The following MBNL1 variants were observed in gnomAD, a reference collection of about 807,000 sequenced individuals.
MBNL1 encodes muscleblind like splicing regulator 1.
In MBNL1, 8 loss-of-function variants were observed where a neutral mutation model predicts 42.2. The observed-to-expected ratio is 0.19, with a 90% CI of 0.11 to 0.34. The LOEUF (loss-of-function observed/expected upper bound fraction) is 0.34, where lower values mean the gene tolerates loss of function less well. Among genes scored for constraint, MBNL1 ranks in the 10% least tolerant of loss-of-function variants. The pLI is 1.00. For synonymous variants in MBNL1, 169 were observed against 173.9 expected (o/e 0.97, Z 0.22); for missense variants, 309 against 495.3 (o/e 0.62, Z 3.57).
chr3:152,414,551 TA>T (rs1413132139), intron 2 of MBNL1, among the ~76,000 whole-genome samples: 1 of 152,204 alleles, frequency 6.6e-6, no homozygotes, highest in Non-Finnish European at 1.5e-5. Flanking sequence ...AAAAATAAAA[TA>T]TAAAACTTGG....
chr3:152,272,179 A>G (rs991579115), intron 1 of MBNL1, among the ~76,000 whole-genome samples: 2 of 152,070 alleles, frequency 1.3e-5, no homozygotes, highest in Non-Finnish European at 2.9e-5. Flanking sequence ...AAGCTTAAAG[A>G]TTTTGCTGGT....
At chr3:152,450,154 C>A (rs1465507415) in intron 6 of MBNL1, among the ~76,000 whole-genome samples, 1 of 148,788 alleles carries the variant, frequency 6.7e-6, no homozygotes, top group Non-Finnish European at 1.5e-5. Context: ...TATATACACA[C>A]ACACACACAT....
chr3:152,438,365 T>C (rs989499855), intron 4 of MBNL1, among the ~76,000 whole-genome samples: 1 of 152,128 alleles, frequency 6.6e-6, no homozygotes, highest in African/African-American at 2.4e-5. Flanking sequence ...GATAAATGAG[T>C]CAGTCAACCA....
intron 2 of MBNL1, among the ~76,000 whole-genome samples, chr3:152,382,818 C>A (rs1482545726): frequency 2.0e-5 from 3 of 152,064 alleles, no homozygotes; most frequent in African/African-American, 4.8e-5. Context: ...GCATTTTATT[C>A]AACTTCGTTT....
At chr3:152,412,276 T>A (rs1279503546) in intron 2 of MBNL1, among the ~76,000 whole-genome samples, 2 of 111,762 alleles carry the variant, frequency 1.8e-5, no homozygotes, top group East Asian at 3.9e-4. Context: ...TATTCTCTTA[T>A]TTTTTCCACA....
At chr3:152,319,844 G>A (rs917356746) in intron 2 of MBNL1, among the ~76,000 whole-genome samples, 8 of 151,826 alleles carry the variant, frequency 5.3e-5, no homozygotes, top group African/African-American at 1.2e-4. Context: ...ACCTGTGGTC[G>A]CAATTGACAG....
intron 2 of MBNL1, among the ~76,000 whole-genome samples, chr3:152,370,293 G>A (rs938442181): frequency 1.2e-4 from 19 of 152,030 alleles, no homozygotes; most frequent in Non-Finnish European, 7.4e-5. Flanking sequence ...TTGTTCAGTT[G>A]CCATGTAGTT....
intron 2 of MBNL1, among the ~76,000 whole-genome samples, chr3:152,374,254 A>G (rs2096801638): frequency 6.6e-6 from 1 of 152,224 alleles, no homozygotes; most frequent in African/African-American, 2.4e-5. Context: ...TATTATTTGC[A>G]AATTATTTAA....
intron 2 of MBNL1, among the ~76,000 whole-genome samples, chr3:152,332,398 G>C (rs2085315701): frequency 6.6e-6 from 1 of 152,038 alleles, no homozygotes; most frequent in South Asian, 2.1e-4. Flanking sequence ...AGCTTATGTG[G>C]GTGCAATATA....
chr3:152,373,411 T>A (rs1292374418), intron 2 of MBNL1, among the ~76,000 whole-genome samples: 1 of 151,646 alleles, frequency 6.6e-6, no homozygotes, highest in Non-Finnish European at 1.5e-5. Flanking sequence ...TGCCCTGTTT[T>A]GCGCTTGAAA....
rs1750084791 is a variant in MBNL1 at position 152,465,479 on chromosome 3, T to C, written c.*3113T>C. 1 of 152,598 alleles carries C rather than the reference T, an allele frequency of 6.6e-6. No individual in the cohort carries two copies. The highest frequency in any genetic ancestry group is 1.5e-5 in the Non-Finnish European group (1 of 68,018). 9.5% of individuals were successfully genotyped at this position (152,598 alleles called of 1,614,324 possible). On this transcript the variant is annotated 3_prime_UTR_variant, in exon 10 of 10. Coordinates refer to ENST00000324210, the MANE Select transcript of MBNL1 (RefSeq NM_021038.5). ...TTTTCAACTCAGAAGCACTCAAAAA[T>C]GCAAAATGTGATAATGGGCACTTGT...
At chr3:152,280,915 T>C (rs12107206) in intron 1 of MBNL1, among the ~76,000 whole-genome samples, 2,397 of 152,206 alleles carry the variant, frequency 0.016, 55 homozygotes, top group African/African-American at 0.055. Context: ...TAAAGCCCAT[T>C]ACATATAAAG....
intron 2 of MBNL1, among the ~76,000 whole-genome samples, chr3:152,388,176 A>G (rs916588289): frequency 6.6e-6 from 1 of 152,132 alleles, no homozygotes; most frequent in African/African-American, 2.4e-5. Flanking sequence ...CCTTGGGAGG[A>G]AATTTTCATC....
At chr3:152,421,674 A>C (rs2098807286) in intron 3 of MBNL1, among the ~76,000 whole-genome samples, 1 of 152,214 alleles carries the variant, frequency 6.6e-6, no homozygotes, top group Non-Finnish European at 1.5e-5. Context: ...TGAAGGAAAA[A>C]TGTTAAGGGC....
intron 3 of MBNL1, among the ~76,000 whole-genome samples, chr3:152,423,445 C>T (rs1273462340): frequency 6.6e-6 from 1 of 152,136 alleles, no homozygotes; most frequent in East Asian, 1.9e-4. Flanking sequence ...ATTATAATAG[C>T]CTATCAACCA....
At chr3:152,317,251 A>T (rs948643331) in intron 2 of MBNL1, among the ~76,000 whole-genome samples, 5 of 152,152 alleles carry the variant, frequency 3.3e-5, no homozygotes, top group Non-Finnish European at 7.3e-5. Flanking sequence ...ATTTATGTGG[A>T]GTTCTGTGAC....
At chr3:152,333,353 TATAAG>T (rs576200813) in intron 2 of MBNL1, among the ~76,000 whole-genome samples, 25 of 152,214 alleles carry the variant, frequency 1.6e-4, no homozygotes, top group Non-Finnish European at 3.2e-4. Flanking sequence ...AATGGACACA[TATAAG>T]ATAAGTTTGT....
intron 2 of MBNL1, among the ~76,000 whole-genome samples, chr3:152,256,333 A>ATGTACG (rs997823487): frequency 1.1e-4 from 17 of 152,204 alleles, no homozygotes; most frequent in Non-Finnish European, 2.2e-4. Context: ...ATTTGAAGAT[A>ATGTACG]TGTACACTGA....
At chr3:152,270,754 G>A (rs1001650348) in intron 1 of MBNL1, among the ~76,000 whole-genome samples, 3 of 152,076 alleles carry the variant, frequency 2.0e-5, no homozygotes, top group Non-Finnish European at 4.4e-5. Context: ...AAAACCTAAT[G>A]TTCTAGTTTT....
Sources: allele counts gnomAD v4.1 joint callset (sites outside exome capture counted in the v4.1 genomes callset), GRCh38; gene constraint gnomAD v4.1.1; transcripts MANE v1.5; gene names NCBI Gene and HGNC (gene_info 2026-07-23, HGNC 2026-07-21).